Variants in SAE1 observed in about 807,000 individuals in gnomAD.
SAE1 encodes the protein SUMO1 activating enzyme subunit 1, also known as SUMO-activating enzyme subunit 1.
Under a neutral mutation model 40.6 loss-of-function variants are expected in SAE1, and 11 were observed. That is an observed-to-expected ratio of 0.27 (90% CI 0.17 to 0.45). The LOEUF is 0.45. Ranked by LOEUF, SAE1 falls within the 20% of genes least tolerant of loss-of-function variation. The pLI is 1.00. For synonymous variants in SAE1, 155 were observed against 154.3 expected (o/e 1.00, Z -0.03); for missense variants, 373 against 427.3 (o/e 0.87, Z 1.12).
intron 6 of SAE1, among the ~76,000 whole-genome samples, chr19:47,178,949 T>C (rs1240312934): frequency 2.0e-5 from 3 of 152,010 alleles, no homozygotes; most frequent in Non-Finnish European, 4.4e-5. Context: ...ATCCCAGCAC[T>C]TTGGGAGGCT....
intron 6 of SAE1, among the ~76,000 whole-genome samples, chr19:47,187,380 T>G (rs528207973): frequency 1.4e-4 from 22 of 152,180 alleles, no homozygotes; most frequent in Non-Finnish European, 2.5e-4. Context: ...TGCTGCTGCT[T>G]TTTTCTTTTT....
chr19:47,153,380 C>T (rs2058299427), intron 4 of SAE1, among the ~76,000 whole-genome samples: 1 of 152,198 alleles, frequency 6.6e-6, no homozygotes, highest in Non-Finnish European at 1.5e-5. Context: ...AACAAACAGA[C>T]CTCATCCTCT....
At chr19:47,172,100 G>A (rs1209426382) in intron 6 of SAE1, among the ~76,000 whole-genome samples, 3 of 151,036 alleles carry the variant, frequency 2.0e-5, no homozygotes, top group Admixed American at 6.6e-5. Flanking sequence ...TGTATTTTTA[G>A]TAGAAACGGG....
intron 7 of SAE1, among the ~76,000 whole-genome samples, chr19:47,198,292 T>C (rs918749008): frequency 2.6e-5 from 4 of 152,050 alleles, no homozygotes; most frequent in Admixed American, 2.0e-4. Flanking sequence ...TTTGTATTTT[T>C]AGTAGAGATG....
In SAE1 at chr19:47,148,089, G is replaced by A. The variant is rs114896388; in HGVS notation, c.211-2113G>A. On this transcript the variant is annotated intron_variant, in intron 2 of 8. Coordinates refer to ENST00000270225, the MANE Select transcript of SAE1 (RefSeq NM_005500.3). The stretch of plus-strand genomic sequence containing the variant: ...ACTGTACGTTTTTATCCATGTCCTC[G>A]TTTTATATGGGATTCCCACATTCTT... Among the ~76,000 whole-genome samples the A allele has an allele frequency of 4.3e-3, 652 of 152,150 alleles. 7 individuals are homozygous for A. The highest frequency in any genetic ancestry group is 0.015 in the African/African-American group (615 of 41,540).
intron 6 of SAE1, among the ~76,000 whole-genome samples, chr19:47,192,594 G>A (rs1443927039): frequency 1.3e-5 from 2 of 151,996 alleles, no homozygotes; most frequent in Non-Finnish European, 2.9e-5. Context: ...CCAGACTGGA[G>A]TGCAGCGGTG....
At chr19:47,165,765 T>G (rs1467872450) in intron 5 of SAE1, among the ~76,000 whole-genome samples, 2 of 152,330 alleles carry the variant, frequency 1.3e-5, no homozygotes, top group Admixed American at 6.5e-5. Flanking sequence ...ATGAGTTAGT[T>G]TGAACCAAAA....
At chr19:47,164,853 C>T (rs925796829) in intron 5 of SAE1, among the ~76,000 whole-genome samples, 4 of 151,400 alleles carry the variant, frequency 2.6e-5, no homozygotes, top group South Asian at 4.2e-4. Context: ...GGGGTTTCAC[C>T]GTGTTAGCCA....
In SAE1 at chr19:47,197,298, G is replaced by C. The variant is rs372494974; in HGVS notation, c.799G>C (p.Glu267Gln). 6 of 1,613,908 alleles carry C rather than the reference G, an allele frequency of 3.7e-6. No homozygotes were observed. Among genetic ancestry groups the C allele is most frequent in the Non-Finnish European group, 5.1e-6 (6 of 1,179,906 alleles). Residue 267 changes from glutamate to glutamine, a missense_variant, in exon 7 of 9, where the codon GAG becomes CAG. By Grantham distance (29) the Glu-to-Gln change is conservative. Transcript: ENST00000270225. The part of the protein sequence containing the change: ...PSSDTYEEDS[E>Q]LLLQIRNDVL... ...TTCTGATACATATGAGGAAGATTCT[G>C]AGTTGTTGCTCCAGATACGAAATGA...
At chr19:47,204,014 C>T (rs2058670435) in intron 8 of SAE1, among the ~76,000 whole-genome samples, 1 of 151,992 alleles carries the variant, frequency 6.6e-6, no homozygotes, top group South Asian at 2.1e-4. Flanking sequence ...ATTAGTTATC[C>T]AGTGCCTGTT....
At chr19:47,157,788 C>T (rs775875985) in intron 5 of SAE1, among the ~76,000 whole-genome samples, 1 of 152,152 alleles carries the variant, frequency 6.6e-6, no homozygotes, top group Non-Finnish European at 1.5e-5. Flanking sequence ...AATGCAGGCT[C>T]GGATTCCAAC....
intron 8 of SAE1, among the ~76,000 whole-genome samples, chr19:47,204,863 A>G (rs2058677753): frequency 6.6e-6 from 1 of 152,020 alleles, no homozygotes; most frequent in South Asian, 2.1e-4. Flanking sequence ...GTCCCCATGA[A>G]CACACCAGGA....
Position 47,143,510 on chromosome 19 carries a change from G to A in SAE1, c.115G>A (p.Val39Met), listed in dbSNP as rs1302258178. ...EAQKRLRASR[V>M]LLVGLKGLGA... ...GTCTTACAGGCTGCGGGCCTCTCGG[G>A]TGCTTCTTGTCGGCTTGAAAGGACT... The change falls in exon 2 of 9, where the codon GTG becomes ATG. Residue 39 changes from valine to methionine, a missense_variant. Around this residue, in one of 3 missense-constraint regions of SAE1, gnomAD observed 351 missense variants for 390.6 expected, o/e 0.90. Transcript: ENST00000270225. 1.2e-5 allele frequency: 20 copies of A among 1,613,930 alleles called. No individual in the cohort carries two copies. The highest frequency in any genetic ancestry group is 1.7e-5 in the Non-Finnish European group (20 of 1,179,964).
At chr19:47,189,852 G>A (rs1458277398) in intron 6 of SAE1, among the ~76,000 whole-genome samples, 1 of 152,298 alleles carries the variant, frequency 6.6e-6, no homozygotes, top group South Asian at 2.1e-4. Context: ...ATAGTTAAAT[G>A]TAATAGAAGT....
At chr19:47,178,478 G>C (rs943518368) in intron 6 of SAE1, among the ~76,000 whole-genome samples, 9 of 152,114 alleles carry the variant, frequency 5.9e-5, no homozygotes, top group Non-Finnish European at 2.9e-5. Flanking sequence ...ACTCGTTTAT[G>C]TTTATTTTAT....
chr19:47,154,480 CTTTTT>C (rs57870733), intron 4 of SAE1, among the ~76,000 whole-genome samples: 744 of 51,496 alleles, frequency 0.014, 1 homozygote, highest in Middle Eastern at 0.056. Context: ...TTAAGTTTGG[CTTTTT>C]TTTTTTTTTT....
chr19:47,209,155 C>G lies in SAE1; in HGVS notation c.949-4C>G, dbSNP rs760407119. On this transcript the variant is annotated splice_polypyrimidine_tract_variant and splice_region_variant and intron_variant, in intron 8 of 8. Transcript: ENST00000270225. ...CTAAACCCTCTTTTCATTTTTCTCCCCAGGCCCTGTCTCAGCGGGACCCTC... is the reference window on the plus strand; with the variant it reads ...CTAAACCCTCTTTTCATTTTTCTCCGCAGGCCCTGTCTCAGCGGGACCCTC... The G allele has an allele frequency of 1.7e-5, 28 of 1,613,288 alleles. No individual in the cohort carries two copies. Among genetic ancestry groups the G allele is most frequent in the Non-Finnish European group, 2.1e-5 (25 of 1,179,738 alleles).
At chr19:47,180,432 C>A in intron 6 of SAE1, 1 of 363,374 alleles carries the variant, frequency 2.8e-6, no homozygotes, top group Non-Finnish European at 5.4e-6. Context: ...CAAAGTCTAT[C>A]TTTGACTATC....
chr19:47,194,845 T>A (rs1000088314), intron 6 of SAE1, among the ~76,000 whole-genome samples: 1 of 148,988 alleles, frequency 6.7e-6, no homozygotes, highest in Admixed American at 6.8e-5. Flanking sequence ...CAGGTTCAAG[T>A]GATTCTTCTG....
Sources: gnomAD v4.1 joint callset for allele counts (sites outside exome capture counted in the v4.1 genomes callset) on GRCh38, gnomAD v4.1.1 for gene constraint, gnomAD v4.1.1 regional missense constraint, MANE v1.5 for transcripts, NCBI Gene and HGNC (gene_info 2026-07-23, HGNC 2026-07-21) for gene names.